Variants in RSPO2 observed in about 807,000 individuals in gnomAD.
RSPO2 encodes R-spondin-2.
In RSPO2, 14 loss-of-function variants were observed where a neutral mutation model predicts 30.9. The observed-to-expected ratio is 0.45, with a 90% CI of 0.30 to 0.71. The LOEUF (loss-of-function observed/expected upper bound fraction) is 0.71. Among genes scored for constraint, RSPO2 ranks in the 30% least tolerant of loss-of-function variants. The pLI is 0.08. For synonymous variants in RSPO2, 107 were observed against 96.4 expected (o/e 1.11, Z -0.64); for missense variants, 264 against 301.9 (o/e 0.87, Z 0.93).
chr8:108,061,522 C>A (rs923437534), intron 2 of RSPO2, among the ~76,000 whole-genome samples: 1 of 151,704 alleles, frequency 6.6e-6, no homozygotes, highest in African/African-American at 2.4e-5. Context: ...CGGGAGCACC[C>A]AGATTCATAA....
At chr8:107,945,660 C>A (rs891987552) in intron 5 of RSPO2, among the ~76,000 whole-genome samples, 16 of 152,104 alleles carry the variant, frequency 1.1e-4, no homozygotes, top group Admixed American at 8.5e-4. Flanking sequence ...GTATACATCC[C>A]AATGTTCATA....
chr8:108,025,189 C>A (rs926381584), intron 2 of RSPO2, among the ~76,000 whole-genome samples: 7 of 152,072 alleles, frequency 4.6e-5, no homozygotes, highest in Admixed American at 4.6e-4. Context: ...ATAATAACAC[C>A]CCAACAGTAA....
rs754722790 is a variant in RSPO2 at position 107,945,241 on chromosome 8, CTTTTTTTTTTT to C, written c.616+12828_616+12838del. On this transcript the variant is annotated intron_variant, in intron 5 of 5. Coordinates refer to ENST00000276659, the MANE Select transcript of RSPO2 (RefSeq NM_178565.5). ...TTATCTCCTGAGTTCATTCTTTTAC[CTTTTTTTTTTT>C]TTTTTTTTTTTTTTGAGACAGAGTC... Among the ~76,000 whole-genome samples, 23 of 74,822 alleles carry C rather than the reference CTTTTTTTTTTT, an allele frequency of 3.1e-4. 1 individual carries two copies. In the Admixed American group the frequency reaches 4.6e-3, roughly 15 times the overall value. The allele number at this position is 74,822 out of a possible 152,430, so 49.1% of individuals were successfully genotyped here.
chr8:107,936,791 G>A (rs1812736147), intron 5 of RSPO2, among the ~76,000 whole-genome samples: 1 of 151,694 alleles, frequency 6.6e-6, no homozygotes. Context: ...ATACCTGTTG[G>A]GCATTTCTCT....
chr8:107,959,320 C>G (rs1011582004), intron 4 of RSPO2, among the ~76,000 whole-genome samples: 6 of 152,068 alleles, frequency 3.9e-5, no homozygotes, highest in Non-Finnish European at 8.8e-5. Flanking sequence ...TTACTACATA[C>G]GTAAAAACTT....
At chr8:108,012,499 C>T (rs549656034) in intron 2 of RSPO2, among the ~76,000 whole-genome samples, 28 of 152,330 alleles carry the variant, frequency 1.8e-4, no homozygotes, top group African/African-American at 6.7e-4. Flanking sequence ...CCTAAAATTA[C>T]ATGTGTGTTT....
At chr8:108,058,674 A>T (rs1475690691) in intron 2 of RSPO2, among the ~76,000 whole-genome samples, 4 of 151,894 alleles carry the variant, frequency 2.6e-5, no homozygotes, top group Admixed American at 2.0e-4. Flanking sequence ...AACAGAACAG[A>T]GCCCTCAGAA....
At chr8:108,021,293 T>C (rs892815091) in intron 2 of RSPO2, among the ~76,000 whole-genome samples, 1 of 152,310 alleles carries the variant, frequency 6.6e-6, no homozygotes, top group South Asian at 2.1e-4. Flanking sequence ...CACTGGGATA[T>C]GTAAATAAAT....
At chr8:107,973,532 T>TCACACA (rs4035018) in intron 3 of RSPO2, among the ~76,000 whole-genome samples, 1 of 149,538 alleles carries the variant, frequency 6.7e-6, no homozygotes, top group South Asian at 2.1e-4. Flanking sequence ...AGACACACAC[T>TCACACA]CACACACACA....
intron 2 of RSPO2, among the ~76,000 whole-genome samples, chr8:108,078,424 T>G (rs1813079948): frequency 6.6e-6 from 1 of 152,254 alleles, no homozygotes; most frequent in Admixed American, 6.5e-5. Context: ...GTGTACAAAA[T>G]GTGTTTTGAA....
chr8:107,957,004 C>T (rs567274130), intron 5 of RSPO2, among the ~76,000 whole-genome samples: 1 of 152,292 alleles, frequency 6.6e-6, no homozygotes, highest in African/African-American at 2.4e-5. Flanking sequence ...AGAGGAAAAG[C>T]TGCTTTCCTA....
At chr8:107,983,309 T>G in intron 3 of RSPO2, 1 of 1,605,934 alleles carries the variant, frequency 6.2e-7, no homozygotes, top group Non-Finnish European at 8.5e-7. Context: ...GATAGCCATA[T>G]GAAACAGCTC....
intron 3 of RSPO2, among the ~76,000 whole-genome samples, chr8:107,964,738 A>G (rs1813742296): frequency 1.3e-5 from 2 of 152,068 alleles, no homozygotes; most frequent in Admixed American, 6.6e-5. Context: ...TCATAGTCCT[A>G]TATTTTCTCC....
At chr8:107,995,329 C>G (rs1427864982) in intron 2 of RSPO2, among the ~76,000 whole-genome samples, 1 of 152,094 alleles carries the variant, frequency 6.6e-6, no homozygotes, top group African/African-American at 2.4e-5. Context: ...ACCTCAGATA[C>G]AGTTACCAAT....
chr8:108,040,099 C>T (rs546606230), intron 2 of RSPO2, among the ~76,000 whole-genome samples: 5 of 152,148 alleles, frequency 3.3e-5, no homozygotes, highest in Non-Finnish European at 7.4e-5. Flanking sequence ...TGAATAAAGA[C>T]ATCCTTTCTC....
chr8:107,906,536 T>C (rs1202573545), intron 5 of RSPO2, among the ~76,000 whole-genome samples: 1 of 151,956 alleles, frequency 6.6e-6, no homozygotes, highest in Non-Finnish European at 1.5e-5. Context: ...GAAATGATAG[T>C]AAGCAGATTC....
chr8:107,940,323 G>T (rs1032662831), intron 5 of RSPO2, among the ~76,000 whole-genome samples: 2 of 152,006 alleles, frequency 1.3e-5, no homozygotes, highest in Non-Finnish European at 2.9e-5. Context: ...TTTATTAACA[G>T]ACACTAGCCA....
At chr8:108,057,849 T>C (rs1323903272) in intron 2 of RSPO2, among the ~76,000 whole-genome samples, 1 of 152,238 alleles carries the variant, frequency 6.6e-6, no homozygotes, top group South Asian at 2.1e-4. Context: ...TTGCTGAAGT[T>C]GCTTATCAGC....
chr8:108,080,482 G>A (rs1813159757), intron 2 of RSPO2, among the ~76,000 whole-genome samples: 1 of 152,146 alleles, frequency 6.6e-6, no homozygotes. Flanking sequence ...TTTGGGATGT[G>A]GATGGTAATC....
Sources: gnomAD v4.1 joint callset for allele counts (sites outside exome capture counted in the v4.1 genomes callset) on GRCh38, gnomAD v4.1.1 for gene constraint, MANE v1.5 for transcripts, NCBI Gene and HGNC (gene_info 2026-07-23, HGNC 2026-07-21) for gene names.